The following PIWIL1 variants were observed in gnomAD, a reference collection of about 807,000 sequenced individuals.
PIWIL1 encodes piwi-like protein 1.
Under a neutral mutation model 114.4 loss-of-function variants are expected in PIWIL1, and 73 were observed. The observed-to-expected ratio is 0.64, with a 90% CI of 0.53 to 0.78. The LOEUF (loss-of-function observed/expected upper bound fraction) is 0.78, where lower values mean the gene tolerates loss of function less well. PIWIL1 is among the 30% of genes least tolerant of loss of function. The probability of loss-of-function intolerance (pLI) is 0.00; values close to 1 mark genes in which losing one functional copy is unlikely to be tolerated. For synonymous variants in PIWIL1, 375 were observed against 369.0 expected, an observed-to-expected ratio of 1.02 and a Z score of -0.19; for missense variants, 723 against 1,063.1, an observed-to-expected ratio of 0.68 and a Z score of 4.45.
intron 14 of PIWIL1, among the ~76,000 whole-genome samples, chr12:130,358,903 G>T (rs2073437363): frequency 6.6e-6 from 1 of 152,112 alleles, no homozygotes; most frequent in Non-Finnish European, 1.5e-5. Flanking sequence ...GCCTGTCGTT[G>T]TTCACCATGG....
the PIWIL1 span, among the ~76,000 whole-genome samples, chr12:130,388,750 T>C: frequency 3.9e-5 from 6 of 152,192 alleles, no homozygotes; most frequent in African/African-American, 1.4e-4. Flanking sequence ...TTTTTACAAG[T>C]ATATGTAATT....
the PIWIL1 span, among the ~76,000 whole-genome samples, chr12:130,408,691 G>A: frequency 1.3e-5 from 2 of 152,226 alleles, no homozygotes; most frequent in Non-Finnish European, 2.9e-5. Flanking sequence ...TGAAGGGGTG[G>A]GGCTGTGAAG....
chr12:130,396,356 A>T, the PIWIL1 span: 1 of 152,692 alleles, frequency 6.5e-6, no homozygotes, highest in African/African-American at 2.4e-5. Flanking sequence ...CAGTCTGAAA[A>T]GTATGTATAA....
chr12:130,425,393 G>A, the PIWIL1 span: 543 of 152,898 alleles, frequency 3.6e-3, 2 homozygotes, highest in African/African-American at 0.011. Flanking sequence ...TAGTTAGGCT[G>A]ACGTGTCACC....
the PIWIL1 span, among the ~76,000 whole-genome samples, chr12:130,388,544 G>A: frequency 2.0e-5 from 3 of 152,178 alleles, no homozygotes; most frequent in Non-Finnish European, 2.9e-5. Context: ...TATGTAGGGA[G>A]AGTAAACAAT....
At chr12:130,341,645 A>G (rs2072920682) in intron 1 of PIWIL1, among the ~76,000 whole-genome samples, 1 of 152,208 alleles carries the variant, frequency 6.6e-6, no homozygotes, top group African/African-American at 2.4e-5. Context: ...TTTGATCTTC[A>G]CCATTGACTT....
At chr12:130,378,904 T>C in the PIWIL1 span, among the ~76,000 whole-genome samples, 2 of 152,356 alleles carry the variant, frequency 1.3e-5, no homozygotes, top group South Asian at 2.1e-4. Context: ...TGGCTTGCTG[T>C]TTTGCTTTCT....
chr12:130,371,754 G>T lies in PIWIL1; in HGVS notation c.*156G>T. The T allele has an allele frequency of 4.2e-5, 19 of 454,828 alleles. No homozygotes were observed. Among genetic ancestry groups the T allele is most frequent in the South Asian group, 3.5e-4 (7 of 20,130 alleles). The allele number at this position is 454,828 out of a possible 1,614,324, so 28.2% of individuals were successfully genotyped here. ...TTTATTTCTAGCATTGCTATTCACC[G>T]GCTTCCTTATTTTATACGTAAAAAT... On this transcript the variant is annotated 3_prime_UTR_variant, in exon 21 of 21. Coordinates refer to ENST00000245255, the MANE Select transcript of PIWIL1 (RefSeq NM_004764.5).
At chr12:130,338,963 T>C (rs2072811815) in intron 1 of PIWIL1, among the ~76,000 whole-genome samples, 1 of 151,694 alleles carries the variant, frequency 6.6e-6, no homozygotes, top group South Asian at 2.1e-4. Flanking sequence ...GTCTCCGCAT[T>C]GGCGGCCGTG....
At chr12:130,369,040 C>A (rs2073746818) in intron 19 of PIWIL1, among the ~76,000 whole-genome samples, 1 of 152,162 alleles carries the variant, frequency 6.6e-6, no homozygotes, top group Non-Finnish European at 1.5e-5. Context: ...TATCCTGATG[C>A]TCTTCCTCCT....
At chr12:130,353,428 G>T (rs2073274563) in intron 9 of PIWIL1, among the ~76,000 whole-genome samples, 4 of 145,048 alleles carry the variant, frequency 2.8e-5, no homozygotes, top group South Asian at 4.4e-4. Flanking sequence ...AGGTGTGTGG[G>T]TTTTTTTTTT....
At position 130,338,013 on chromosome 12, in the gene PIWIL1, A is replaced by T; in HGVS notation, c.-146A>T. 5.8e-6 allele frequency: 1 copy of T among 172,536 alleles called. No homozygotes were observed. Among genetic ancestry groups the T allele is most frequent in the Non-Finnish European group, 1.2e-5 (1 of 81,574 alleles). 10.7% of individuals were successfully genotyped at this position (172,536 alleles called of 1,614,324 possible). The stretch of plus-strand genomic sequence containing the variant: ...GGCTCTCTCGGGAACCCAGCGCCGA[A>T]GGCGAGGTGGGCGCGGGCCGAAGGA... On this transcript the variant is annotated 5_prime_UTR_variant, in exon 1 of 21. It adds an upstream start codon to the 5' untranslated region. Transcript: ENST00000245255.
chr12:130,387,634 A>C, the PIWIL1 span, among the ~76,000 whole-genome samples: 5 of 99,364 alleles, frequency 5.0e-5, no homozygotes, highest in Admixed American at 1.1e-4. Flanking sequence ...GTCTCCATTC[A>C]CCCATGCACA....
downstream of PIWIL1, among the ~76,000 whole-genome samples, chr12:130,374,311 A>G (rs2073849777): frequency 6.6e-6 from 1 of 152,192 alleles, no homozygotes; most frequent in African/African-American, 2.4e-5. Context: ...CTATGATACG[A>G]GTCTTCAGAT....
Position 130,361,605 on chromosome 12 carries a change from A to T in PIWIL1, c.1970+4A>T. On this transcript the variant is annotated splice_donor_region_variant and intron_variant, in intron 16 of 20. Coordinates refer to ENST00000245255, the MANE Select transcript of PIWIL1 (RefSeq NM_004764.5). ...GCATCAATGAAGGGATGACCCGGTGAGTGAGACTGGGCTACTGTGGGTGGC... is the reference window on the plus strand; with the variant it reads ...GCATCAATGAAGGGATGACCCGGTGTGTGAGACTGGGCTACTGTGGGTGGC... 6.2e-7 allele frequency: 1 copy of T among 1,611,586 alleles called. No homozygotes were observed. The highest frequency in any genetic ancestry group is 8.5e-7 in the Non-Finnish European group (1 of 1,177,696).
At chr12:130,403,448 T>G in the PIWIL1 span, among the ~76,000 whole-genome samples, 2 of 152,208 alleles carry the variant, frequency 1.3e-5, no homozygotes, top group Non-Finnish European at 2.9e-5. Flanking sequence ...AAAAATCTTC[T>G]TAAATTCCAG....
chr12:130,386,167 T>A, the PIWIL1 span, among the ~76,000 whole-genome samples: 1 of 151,470 alleles, frequency 6.6e-6, no homozygotes, highest in East Asian at 1.9e-4. Flanking sequence ...CAGGAATAAG[T>A]AGATTGTTTG....
the PIWIL1 span, among the ~76,000 whole-genome samples, chr12:130,377,716 C>T: frequency 1.2e-4 from 19 of 152,344 alleles, no homozygotes; most frequent in East Asian, 1.9e-3. Context: ...TCTGGAGGCA[C>T]GAAAGGAGCC....
the PIWIL1 span, among the ~76,000 whole-genome samples, chr12:130,380,497 AAAGG>A: frequency 6.6e-6 from 1 of 152,344 alleles, no homozygotes; most frequent in Admixed American, 6.5e-5. Context: ...GGTGGAGGGG[AAAGG>A]CAAAGAACTC....
Sources: gnomAD v4.1 joint callset for allele counts (sites outside exome capture counted in the v4.1 genomes callset) on GRCh38, gnomAD v4.1.1 for gene constraint, MANE v1.5 for transcripts, NCBI Gene and HGNC (gene_info 2026-07-23, HGNC 2026-07-21) for gene names.